Variants in ADAMTSL1 observed in about 807,000 individuals in gnomAD.
The protein encoded by ADAMTSL1 is ADAMTS like 1, also known as ADAMTS-like protein 1.
ADAMTSL1 carries 126 observed loss-of-function variants against 201.8 expected under a neutral mutation model. That is an observed-to-expected ratio of 0.62 (90% confidence interval 0.54 to 0.72). The LOEUF is 0.72. ADAMTSL1 is among the 30% of genes least tolerant of loss of function. The pLI, the probability that ADAMTSL1 is intolerant of heterozygous loss-of-function variation, is 0.00. For synonymous variants in ADAMTSL1, 1,121 were observed against 903.4 expected (o/e 1.24, Z -4.32); for missense variants, 2,679 against 2,277.8 (o/e 1.18, Z -3.59).
intron 2 of ADAMTSL1, among the ~76,000 whole-genome samples, chr9:18,322,898 C>T (rs961893556): frequency 5.3e-5 from 8 of 152,158 alleles, no homozygotes; most frequent in Admixed American, 3.3e-4. Flanking sequence ...AGCTCTATTT[C>T]TATTTCCCTC....
intron 1 of ADAMTSL1, among the ~76,000 whole-genome samples, chr9:17,975,434 CT>C (rs1383823961): frequency 6.6e-6 from 1 of 152,012 alleles, no homozygotes; most frequent in Non-Finnish European, 1.5e-5. Flanking sequence ...CATCTTCTAG[CT>C]GTGTCTTCGC....
chr9:18,426,839 T>G (rs1250493865), intron 2 of ADAMTSL1, among the ~76,000 whole-genome samples: 1 of 152,214 alleles, frequency 6.6e-6, no homozygotes, highest in African/African-American at 2.4e-5. Context: ...ACGAACAACC[T>G]TATACACTAA....
intron 2 of ADAMTSL1, among the ~76,000 whole-genome samples, chr9:18,386,576 A>T: frequency 6.6e-6 from 1 of 152,198 alleles, no homozygotes; most frequent in East Asian, 1.9e-4. Flanking sequence ...TCTACTTGAC[A>T]GAAGGTTTAC....
intron 2 of ADAMTSL1, among the ~76,000 whole-genome samples, chr9:18,422,881 G>A (rs1266433113): frequency 6.6e-6 from 1 of 152,198 alleles, no homozygotes; most frequent in East Asian, 1.9e-4. Flanking sequence ...TTGAGGGCAA[G>A]TGAGATAAAC....
intron 1 of ADAMTSL1, among the ~76,000 whole-genome samples, chr9:17,933,122 A>G (rs1588437768): frequency 6.6e-6 from 1 of 152,168 alleles, no homozygotes. Flanking sequence ...AATTATTTTC[A>G]GAAATCCAAA....
chr9:18,188,640 C>G (rs1183419243), intron 2 of ADAMTSL1, among the ~76,000 whole-genome samples: 1 of 152,054 alleles, frequency 6.6e-6, no homozygotes, highest in Non-Finnish European at 1.5e-5. Flanking sequence ...TCTTTATTGA[C>G]AAAGCTACTT....
intron 1 of ADAMTSL1, among the ~76,000 whole-genome samples, chr9:17,994,273 C>T (rs570911307): frequency 6.6e-6 from 1 of 152,220 alleles, no homozygotes; most frequent in African/African-American, 2.4e-5. Flanking sequence ...GTTGAGCTGT[C>T]GCTGGTTGGA....
chr9:18,724,328 A>G (rs531661649), intron 15 of ADAMTSL1, among the ~76,000 whole-genome samples: 264 of 152,314 alleles, frequency 1.7e-3, no homozygotes, highest in Non-Finnish European at 3.2e-3. Flanking sequence ...CCTAGAGGGC[A>G]AGTCCAATCT....
At chr9:18,096,352 T>G (rs1364750962) in intron 1 of ADAMTSL1, among the ~76,000 whole-genome samples, 1 of 152,254 alleles carries the variant, frequency 6.6e-6, no homozygotes, top group African/African-American at 2.4e-5. Context: ...ATTTAATTCT[T>G]ACCAGCAATT....
intron 2 of ADAMTSL1, among the ~76,000 whole-genome samples, chr9:18,463,175 G>A (rs1025298673): frequency 5.3e-5 from 8 of 152,068 alleles, no homozygotes; most frequent in Non-Finnish European, 8.8e-5. Context: ...CATTGGTAAA[G>A]CTTGTGTCTT....
chr9:18,146,411 T>C (rs1168699707), intron 1 of ADAMTSL1, among the ~76,000 whole-genome samples: 3 of 152,246 alleles, frequency 2.0e-5, no homozygotes, highest in Non-Finnish European at 2.9e-5. Context: ...TATCAAGCCA[T>C]GCAAAGGTAT....
In ADAMTSL1 at chr9:18,574,125, G is replaced by C. The variant is rs1822538465; in HGVS notation, c.333G>C (p.Val111=). ...HHGQFYEWLP[V]SNDPDNPCSL... is the part of the protein sequence containing the mutation. ...GCCAGTTTTATGAATGGCTTCCTGT[G>C]TCTAATGACCCTGACAACCCATGTT... The change falls in exon 4 of 29, where the codon GTG becomes GTC. Residue 111 remains valine, a synonymous_variant. Coordinates refer to ENST00000380548, the MANE Select transcript of ADAMTSL1 (RefSeq NM_001040272.6). 6.2e-7 allele frequency: 1 copy of C among 1,613,990 alleles called. No individual in the cohort carries two copies. Among genetic ancestry groups the C allele is most frequent in the Non-Finnish European group, 8.5e-7 (1 of 1,180,016 alleles).
At chr9:18,318,993 G>A (rs1012561796) in intron 2 of ADAMTSL1, among the ~76,000 whole-genome samples, 2 of 152,164 alleles carry the variant, frequency 1.3e-5, no homozygotes, top group East Asian at 3.9e-4. Flanking sequence ...AGGATGGCAC[G>A]AATCCAGGAA....
chr9:18,802,031 C>T (rs988607169), intron 20 of ADAMTSL1, among the ~76,000 whole-genome samples: 4 of 152,136 alleles, frequency 2.6e-5, no homozygotes, highest in African/African-American at 4.8e-5. Context: ...AATCCCAGCA[C>T]TTTGGGAGCC....
chr9:18,087,559 T>G (rs1448166457), intron 1 of ADAMTSL1, among the ~76,000 whole-genome samples: 2 of 152,280 alleles, frequency 1.3e-5, no homozygotes, highest in East Asian at 3.9e-4. Flanking sequence ...GCCATGTGAC[T>G]ATGTAATTTT....
chr9:18,293,674 C>T (rs1833362182), intron 2 of ADAMTSL1, among the ~76,000 whole-genome samples: 1 of 152,176 alleles, frequency 6.6e-6, no homozygotes, highest in Non-Finnish European at 1.5e-5. Flanking sequence ...GCAATTTGGC[C>T]TTATTTCCCC....
intron 1 of ADAMTSL1, among the ~76,000 whole-genome samples, chr9:18,138,943 T>G (rs189107074): frequency 8.6e-4 from 131 of 152,244 alleles, no homozygotes; most frequent in African/African-American, 3.1e-3. Flanking sequence ...TGTGAATATG[T>G]GTGTGTATGA....
At chr9:18,312,769 A>G (rs1465386918) in intron 2 of ADAMTSL1, among the ~76,000 whole-genome samples, 1 of 152,192 alleles carries the variant, frequency 6.6e-6, no homozygotes, top group East Asian at 1.9e-4. Flanking sequence ...AAAGTGCCCA[A>G]CAAAAACTCT....
chr9:17,994,462 T>A (rs1819293695), intron 1 of ADAMTSL1, among the ~76,000 whole-genome samples: 1 of 152,122 alleles, frequency 6.6e-6, no homozygotes, highest in African/African-American at 2.4e-5. Flanking sequence ...CATTGGGAAT[T>A]GTAATAATTA....
Sources: allele counts gnomAD v4.1 joint callset (sites outside exome capture counted in the v4.1 genomes callset), GRCh38; gene constraint gnomAD v4.1.1; transcripts MANE v1.5; gene names NCBI Gene and HGNC (gene_info 2026-07-23, HGNC 2026-07-21).